KCNN2: variants seen among roughly 807,000 people sequenced by gnomAD.
KCNN2 encodes the protein small conductance calcium-activated potassium channel protein 2.
A neutral mutation model predicts 55.5 loss-of-function variants in KCNN2; 24 were observed. That is an observed-to-expected ratio of 0.43 (90% confidence interval 0.31 to 0.61). KCNN2 has a LOEUF of 0.61. KCNN2 is among the 20% of genes least tolerant of loss of function. The pLI is 0.08. For missense variants in KCNN2, 754 were observed against 853.6 expected, an observed-to-expected ratio of 0.88 and a Z score of 1.45; for synonymous variants, 431 against 336.1, an observed-to-expected ratio of 1.28 and a Z score of -3.09.
chr5:114,362,741 C>G lies in KCNN2; in HGVS notation c.602C>G (p.Ala201Gly). Reference sequence around the variant, plus strand: ...CACCACCAGCACCACCAGCCCCAGGCGCGCCGCGAGAGCAACCCCTTCACC... The same window carrying G: ...CACCACCAGCACCACCAGCCCCAGGGGCGCCGCGAGAGCAACCCCTTCACC... ...PAHHQHHQPQ[A>G]RRESNPFTEI... Residue 201 changes from alanine to glycine, a missense_variant, in exon 1 of 8, where the codon GCG (alanine) becomes GGG (glycine). This residue lies in a region of KCNN2 where 381 missense variants were observed against 259.1 expected (regional missense o/e 1.47). Transcript: ENST00000673685. 2 of 1,538,940 alleles carry G rather than the reference C, an allele frequency of 1.3e-6. No individual in the cohort carries two copies. The highest frequency in any genetic ancestry group is 2.3e-5 in the East Asian group (1 of 44,042).
intron 1 of KCNN2, among the ~76,000 whole-genome samples, chr5:114,209,093 G>T (rs556173966): frequency 6.8e-6 from 1 of 148,136 alleles, no homozygotes; most frequent in Non-Finnish European, 1.5e-5. Flanking sequence ...GTCTCGCTCT[G>T]TTGCCCAGGC....
At chr5:114,249,694 T>C (rs928400055) in intron 2 of KCNN2, among the ~76,000 whole-genome samples, 1 of 149,268 alleles carries the variant, frequency 6.7e-6, no homozygotes, top group Admixed American at 6.7e-5. Context: ...GGAATTAGTC[T>C]GAATGAATAA....
chr5:114,298,104 A>C (rs1756068468), intron 2 of KCNN2, among the ~76,000 whole-genome samples: 2 of 152,364 alleles, frequency 1.3e-5, no homozygotes, highest in South Asian at 4.1e-4. Flanking sequence ...AGTGCTCCGT[A>C]GATGCTAGAT....
At chr5:114,307,771 A>T (rs1279101377) in intron 2 of KCNN2, among the ~76,000 whole-genome samples, 1 of 152,168 alleles carries the variant, frequency 6.6e-6, no homozygotes, top group Non-Finnish European at 1.5e-5. Context: ...CTGCCAAGAC[A>T]GTTTTAGCAT....
At chr5:114,280,738 C>T (rs1755607164) in intron 2 of KCNN2, among the ~76,000 whole-genome samples, 1 of 152,032 alleles carries the variant, frequency 6.6e-6, no homozygotes, top group Non-Finnish European at 1.5e-5. Context: ...AATCTGTTGC[C>T]CCTAAACACT....
At chr5:114,298,117 T>C (rs1442369578) in intron 2 of KCNN2, among the ~76,000 whole-genome samples, 3 of 152,270 alleles carry the variant, frequency 2.0e-5, no homozygotes, top group Non-Finnish European at 4.4e-5. Flanking sequence ...TGCTAGATGC[T>C]GTTATTATCA....
intron 1 of KCNN2, among the ~76,000 whole-genome samples, chr5:114,090,551 C>T (rs887380913): frequency 2.3e-5 from 3 of 133,190 alleles, no homozygotes; most frequent in Non-Finnish European, 4.9e-5. Flanking sequence ...CTCTTCCTCT[C>T]TCTCTCTCTC....
intron 1 of KCNN2, among the ~76,000 whole-genome samples, chr5:114,211,804 C>G (rs116022537): frequency 1.3e-5 from 2 of 152,066 alleles, no homozygotes; most frequent in South Asian, 4.1e-4. Flanking sequence ...TACCTTATTT[C>G]TATCCTTACT....
intron 1 of KCNN2, among the ~76,000 whole-genome samples, chr5:114,116,552 G>C (rs1008898285): frequency 6.6e-5 from 10 of 152,094 alleles, no homozygotes; most frequent in Admixed American, 3.9e-4. Context: ...TGACATAAGA[G>C]GGTTCCTGTT....
chr5:114,162,988 C>T (rs113296275), intron 1 of KCNN2, among the ~76,000 whole-genome samples: 1,865 of 152,250 alleles, frequency 0.012, 38 homozygotes, highest in African/African-American at 0.04. Flanking sequence ...GGCTCATGCA[C>T]GGTGCACTGC....
chr5:114,467,125 T>C (rs887628113), intron 4 of KCNN2, among the ~76,000 whole-genome samples: 9 of 152,168 alleles, frequency 5.9e-5, no homozygotes, highest in African/African-American at 2.2e-4. Flanking sequence ...CTCCATTAGT[T>C]GTCAGTTAAA....
intron 3 of KCNN2, among the ~76,000 whole-genome samples, chr5:114,456,767 TC>T (rs1035700339): frequency 2.0e-5 from 3 of 152,170 alleles, no homozygotes; most frequent in African/African-American, 7.2e-5. Context: ...GATTCAAATT[TC>T]AACAGAAGAA....
At chr5:114,408,739 G>C (rs1444667568) in intron 3 of KCNN2, among the ~76,000 whole-genome samples, 2 of 152,134 alleles carry the variant, frequency 1.3e-5, no homozygotes, top group African/African-American at 4.8e-5. Flanking sequence ...CCAATTAAGA[G>C]AGCCTCAAAA....
chr5:114,305,006 A>G (rs1047600457), intron 2 of KCNN2, among the ~76,000 whole-genome samples: 1 of 152,200 alleles, frequency 6.6e-6, no homozygotes, highest in East Asian at 1.9e-4. Flanking sequence ...TTAAGATTAT[A>G]TCAGTCAGCG....
chr5:114,326,635 G>T (rs1029343087), intron 2 of KCNN2, among the ~76,000 whole-genome samples: 1 of 152,128 alleles, frequency 6.6e-6, no homozygotes, highest in Non-Finnish European at 1.5e-5. Context: ...TTATGGACCC[G>T]AATTTCAGTT....
intron 2 of KCNN2, among the ~76,000 whole-genome samples, chr5:114,248,416 C>A (rs1754789693): frequency 6.6e-6 from 1 of 152,018 alleles, no homozygotes; most frequent in Non-Finnish European, 1.5e-5. Flanking sequence ...TTGAAAAGAA[C>A]ATGTAGGTAG....
At chr5:114,462,744 C>T (rs1011931787) in intron 3 of KCNN2, among the ~76,000 whole-genome samples, 4 of 152,130 alleles carry the variant, frequency 2.6e-5, no homozygotes, top group Admixed American at 6.5e-5. Context: ...CAAGGAGTGA[C>T]GAGACACGGG....
chr5:114,289,215 T>C (rs932842968), intron 2 of KCNN2, among the ~76,000 whole-genome samples: 3 of 152,198 alleles, frequency 2.0e-5, no homozygotes, highest in African/African-American at 4.8e-5. Flanking sequence ...TGTTTATCCT[T>C]ATGCCAGTAC....
intron 2 of KCNN2, among the ~76,000 whole-genome samples, chr5:114,308,014 T>A (rs752455964): frequency 7.2e-5 from 11 of 152,206 alleles, no homozygotes; most frequent in Middle Eastern, 6.8e-3. Flanking sequence ...TACACATATA[T>A]ATGTATATGT....
Sources: gnomAD v4.1 joint callset for allele counts (sites outside exome capture counted in the v4.1 genomes callset) on GRCh38, gnomAD v4.1.1 for gene constraint, gnomAD v4.1.1 regional missense constraint, MANE v1.5 for transcripts, NCBI Gene and HGNC (gene_info 2026-07-23, HGNC 2026-07-21) for gene names.